Variants in GCLM observed in about 807,000 individuals in gnomAD.
GCLM encodes the protein glutamate--cysteine ligase regulatory subunit.
In GCLM, 15 loss-of-function variants were observed where a neutral mutation model predicts 36.0. That is an observed-to-expected ratio of 0.42 (90% confidence interval 0.28 to 0.64). The LOEUF (loss-of-function observed/expected upper bound fraction) is 0.64. Among genes scored for constraint, GCLM ranks in the 30% least tolerant of loss-of-function variants. GCLM has a pLI of 0.25. For synonymous variants in GCLM, 129 were observed against 122.8 expected, an observed-to-expected ratio of 1.05 and a Z score of -0.34; for missense variants, 242 against 325.5, an observed-to-expected ratio of 0.74 and a Z score of 1.97.
chr1:93,906,614 G>C (rs1009161278), intron 1 of GCLM, among the ~76,000 whole-genome samples: 1 of 152,096 alleles, frequency 6.6e-6, no homozygotes, highest in African/African-American at 2.4e-5. Flanking sequence ...CAATTACGTA[G>C]GAAATTCATT....
intron 6 of GCLM, among the ~76,000 whole-genome samples, chr1:93,892,352 A>T (rs895793060): frequency 7.2e-5 from 11 of 152,220 alleles, no homozygotes; most frequent in Non-Finnish European, 1.6e-4. Context: ...ACAGTTTTAC[A>T]GAGTTAAATT....
rs868786809 is a variant in GCLM at position 93,905,178 on chromosome 1, A to G, written c.127-590T>C. 2.0e-3 allele frequency among the ~76,000 whole-genome samples: 303 copies of G among 151,770 alleles called. 1 individual carries two copies. The highest frequency in any genetic ancestry group is 6.9e-3 in the African/African-American group (284 of 41,384). ...ACAGAGCAAGACTCTATTTCCAAAA[A>G]AAAAAAAAAAAAAAGGCATTCATAA... On this transcript the variant is annotated intron_variant, in intron 1 of 6. Transcript: ENST00000370238.
rs1557729360 is a variant in GCLM, at chr1:93,897,904, T to TA, written c.278-7dup. 1.3e-6 allele frequency: 2 copies of TA among 1,528,876 alleles called. No individual in the cohort carries two copies. Among genetic ancestry groups the TA allele is most frequent in the Non-Finnish European group, 1.8e-6 (2 of 1,141,842 alleles). The allele number at this position is 1,528,876 out of a possible 1,614,324, so 94.7% of individuals were successfully genotyped here. Reference sequence around the variant, plus strand: ...TTCTACAATGAACAGTTTTGCTGGGTAACAAAGAAAACAAAACTGATTACT... The same window carrying TA: ...TTCTACAATGAACAGTTTTGCTGGGTAAACAAAGAAAACAAAACTGATTACT... On this transcript the variant is annotated splice_region_variant and splice_polypyrimidine_tract_variant and intron_variant, in intron 3 of 6. Coordinates refer to ENST00000370238, the MANE Select transcript of GCLM (RefSeq NM_002061.4).
intron 4 of GCLM, among the ~76,000 whole-genome samples, chr1:93,897,556 C>T (rs17885151): frequency 0.085 from 12,863 of 150,700 alleles, 610 homozygotes; most frequent in African/African-American, 0.12. Flanking sequence ...TGATATTTCA[C>T]CTCTAGTACT....
At chr1:93,908,759 G>A (rs923763887) in intron 1 of GCLM, 4 of 253,036 alleles carry the variant, frequency 1.6e-5, no homozygotes, top group Non-Finnish European at 3.0e-5. Flanking sequence ...AGGGACCCAG[G>A]ATGTTTGAGA....
chr1:93,901,478 G>A, intron 3 of GCLM, 107 bp downstream of exon 3: 1 of 717,642 alleles, frequency 1.4e-6, no homozygotes, highest in Non-Finnish European at 2.5e-6. Context: ...AAGAATTTCT[G>A]TATTTCCCAC....
At chr1:93,901,236 G>C (rs1003507049) in intron 3 of GCLM, among the ~76,000 whole-genome samples, 2 of 152,132 alleles carry the variant, frequency 1.3e-5, no homozygotes, top group Non-Finnish European at 2.9e-5. Context: ...TTACCAGGAA[G>C]GGGGTGCTTA....
At chr1:93,898,169 A>G (rs530546646) in intron 3 of GCLM, among the ~76,000 whole-genome samples, 8 of 152,030 alleles carry the variant, frequency 5.3e-5, no homozygotes, top group South Asian at 2.1e-4. Context: ...GGCAGGTTAG[A>G]TAACTATTGG....
At chr1:93,901,691 A>C (rs746485264) in intron 2 of GCLM, 22 bp from the exon 3 acceptor site, 11 of 1,182,784 alleles carry the variant, frequency 9.3e-6, no homozygotes, top group Non-Finnish European at 1.4e-5. Flanking sequence ...ACAATATTTA[A>C]AACAAATATA....
chr1:93,902,479 GT>G (rs77382543), intron 2 of GCLM, among the ~76,000 whole-genome samples: 161 of 144,172 alleles, frequency 1.1e-3, no homozygotes, highest in Non-Finnish European at 1.7e-3. Context: ...CGCCCAGCCT[GT>G]TTTTTTTTTT....
intron 2 of GCLM, among the ~76,000 whole-genome samples, chr1:93,903,251 T>C (rs1309368723): frequency 1.3e-5 from 2 of 151,838 alleles, no homozygotes; most frequent in African/African-American, 4.8e-5. Flanking sequence ...TTTATGACAA[T>C]AGTATATTTA....
At chr1:93,908,862 G>A in intron 1 of GCLM, 176 bp downstream of exon 1, 1 of 442,708 alleles carries the variant, frequency 2.3e-6, no homozygotes, top group South Asian at 5.5e-5. Flanking sequence ...TCGGCAGCGG[G>A]TTTGGACCCA....
At chr1:93,904,741 G>A (rs1657081281) in intron 1 of GCLM, among the ~76,000 whole-genome samples, 153 bp from the exon 2 acceptor site, 1 of 152,142 alleles carries the variant, frequency 6.6e-6, no homozygotes, top group Non-Finnish European at 1.5e-5. Context: ...CAAGGTTTTT[G>A]TTTCCTTCAA....
chr1:93,896,934 A>T (rs1269355711), intron 4 of GCLM, 114 bp from the exon 5 acceptor site: 1 of 655,632 alleles, frequency 1.5e-6, no homozygotes, highest in Non-Finnish European at 2.7e-6. Context: ...TTGTTTTCAA[A>T]ATAACAGATT....
chr1:93,909,122 C>G lies in GCLM; in HGVS notation c.42G>C (p.Arg14=). The change falls in exon 1 of 7, where the codon CGG becomes CGC. Residue 14 remains arginine (R), a synonymous_variant. Coordinates refer to ENST00000370238, the MANE Select transcript of GCLM (RefSeq NM_002061.4). The part of the protein sequence containing the change: ...DSRAAKALLA[R]ARTLHLQTGN... Reference sequence around the variant, plus strand: ...CCGTCTGCAGGTGCAGGGTGCGGGCCCGCGCCAGGAGCGCCTTGGCCGCGC... The same window carrying G: ...CCGTCTGCAGGTGCAGGGTGCGGGCGCGCGCCAGGAGCGCCTTGGCCGCGC... The G allele has an allele frequency of 7.0e-7, 1 of 1,427,332 alleles. No homozygotes were observed. Among genetic ancestry groups the G allele is most frequent in the East Asian group, 3.1e-5 (1 of 32,400 alleles). The allele number at this position is 1,427,332 out of a possible 1,614,324, so 88.4% of individuals were successfully genotyped here. A position where few individuals can be genotyped will look rare whatever the true frequency, so the allele number is the denominator to read the frequency against.
intron 2 of GCLM, among the ~76,000 whole-genome samples, chr1:93,902,337 CCTGA>C (rs1656984062): frequency 6.6e-6 from 1 of 152,012 alleles, no homozygotes; most frequent in Non-Finnish European, 1.5e-5. Context: ...CGCCGCCACG[CCTGA>C]CTAATTTTTT....
chr1:93,909,031 C>G lies in GCLM; in HGVS notation c.126+7G>C. 6.8e-7 allele frequency: 1 copy of G among 1,460,160 alleles called. No homozygotes were observed. The highest frequency in any genetic ancestry group is 9.0e-7 in the Non-Finnish European group (1 of 1,110,802). The allele number at this position is 1,460,160 out of a possible 1,614,324, so 90.5% of individuals were successfully genotyped here. ...GGGAGCCCCGCGGCGAGTGTCGCCA[C>G]GCTCACCTCCTCGCTGTGCGTGGAC... On this transcript the variant is annotated splice_region_variant and intron_variant, in intron 1 of 6. Transcript: ENST00000370238.
At chr1:93,900,892 G>T (rs544031289) in intron 3 of GCLM, among the ~76,000 whole-genome samples, 2 of 152,238 alleles carry the variant, frequency 1.3e-5, no homozygotes, top group South Asian at 4.1e-4. Flanking sequence ...CAAAGAAGCC[G>T]GAGAAACAGG....
intron 1 of GCLM, among the ~76,000 whole-genome samples, chr1:93,905,948 G>A (rs1418813096): frequency 6.6e-6 from 1 of 152,138 alleles, no homozygotes; most frequent in Non-Finnish European, 1.5e-5. Flanking sequence ...TTCTTCTGTG[G>A]GCAATCAATG....
Sources: gnomAD v4.1 joint callset for allele counts (sites outside exome capture counted in the v4.1 genomes callset) on GRCh38, gnomAD v4.1.1 for gene constraint, MANE v1.5 for transcripts, NCBI Gene and HGNC (gene_info 2026-07-23, HGNC 2026-07-21) for gene names.